BTBD16: variants seen among roughly 807,000 people sequenced by gnomAD.
BTBD16 encodes BTB domain containing 16.
BTBD16 carries 66 observed loss-of-function variants against 67.4 expected under a neutral mutation model. That is an observed-to-expected ratio of 0.98 (90% CI 0.80 to 1.20). The LOEUF is 1.20. BTBD16 is among the 50% of genes most tolerant of loss of function. The pLI is 0.00. For missense variants in BTBD16, 634 were observed against 616.0 expected (o/e 1.03, Z -0.31); for synonymous variants, 242 against 236.4 (o/e 1.02, Z -0.22).
chr10:122,289,199 G>T (rs2096369309), intron 5 of BTBD16, among the ~76,000 whole-genome samples: 1 of 152,166 alleles, frequency 6.6e-6, no homozygotes. Flanking sequence ...TGCTCCAGGT[G>T]CTCGGGTTAC....
rs967551645 is a variant in BTBD16, at chr10:122,328,020, T to C, written c.912-1460T>C. Among the ~76,000 whole-genome samples the C allele has an allele frequency of 4.6e-5, 7 of 152,202 alleles. No homozygotes were observed. The East Asian group carries it at 1.3e-3, about 29-fold the overall frequency. On this transcript the variant is annotated intron_variant, in intron 10 of 15. Coordinates refer to ENST00000260723, the MANE Select transcript of BTBD16 (RefSeq NM_144587.5). Reference sequence around the variant, plus strand: ...AGGTGCTGGCTTGTCCCCAGAGCACTGGGCAAGGCTAGGGAGGACGGCGTC... The same window carrying C: ...AGGTGCTGGCTTGTCCCCAGAGCACCGGGCAAGGCTAGGGAGGACGGCGTC...
intron 14 of BTBD16, among the ~76,000 whole-genome samples, chr10:122,336,021 T>G (rs2096462735): frequency 6.6e-6 from 1 of 152,162 alleles, no homozygotes; most frequent in Non-Finnish European, 1.5e-5. Context: ...AATGCATGAA[T>G]GAAGAAACCA....
At chr10:122,298,143 A>C (rs185396456) in intron 8 of BTBD16, among the ~76,000 whole-genome samples, 111 of 152,306 alleles carry the variant, frequency 7.3e-4, no homozygotes, top group Admixed American at 1.2e-3. Context: ...TGGAGTTGTG[A>C]GGTCTAGATT....
chr10:122,309,055 CA>C, intron 10 of BTBD16, among the ~76,000 whole-genome samples: 1 of 152,310 alleles, frequency 6.6e-6, no homozygotes, highest in East Asian at 1.9e-4. Context: ...GCAGCTTCAA[CA>C]AAGGGCTTAT....
chr10:122,284,026 T>C lies in BTBD16; in HGVS notation c.241+102T>C, dbSNP rs2096358422. ...ACCAGTCCATAAACCAGGGCGCTAG[T>C]GTATAAGTTGCAATTCTCATCCACT... On this transcript the variant is annotated intron_variant, in intron 4 of 15. Transcript: ENST00000260723. 6 of 823,944 alleles carry C rather than the reference T, an allele frequency of 7.3e-6. No homozygotes were observed. In the East Asian group the frequency reaches 1.0e-4, roughly 14 times the overall value. 51.0% of individuals were successfully genotyped at this position (823,944 alleles called of 1,614,324 possible).
chr10:122,321,013 C>G (rs148908163), intron 10 of BTBD16, among the ~76,000 whole-genome samples: 25 of 152,254 alleles, frequency 1.6e-4, no homozygotes, highest in Non-Finnish European at 3.1e-4. Flanking sequence ...CCTCCCTCCC[C>G]ACTCTAGTAG....
chr10:122,286,214 A>G lies in BTBD16; in HGVS notation c.351A>G (p.Thr117=). ...TGAAAGCCCTGGCGCAGGGCACCAC[A>G]CACCCCCTGAGGGAGCTGGAGGAGC... ...LYLKALAQGT[T]HPLRELEELL... The change falls in exon 5 of 16, where the codon ACA becomes ACG. Residue 117 remains threonine, a synonymous_variant. Transcript: ENST00000260723. The G allele has an allele frequency of 6.2e-7, 1 of 1,613,248 alleles. No homozygotes were observed. The highest frequency in any genetic ancestry group is 8.5e-7 in the Non-Finnish European group (1 of 1,179,384).
chr10:122,320,861 C>A (rs2096434255), intron 10 of BTBD16, among the ~76,000 whole-genome samples: 1 of 151,824 alleles, frequency 6.6e-6, no homozygotes, highest in Non-Finnish European at 1.5e-5. Flanking sequence ...TTAAAAATTT[C>A]AACTTTTATT....
At chr10:122,297,100 C>T (rs1052494243) in intron 7 of BTBD16, among the ~76,000 whole-genome samples, 43 of 152,226 alleles carry the variant, frequency 2.8e-4, no homozygotes, top group Non-Finnish European at 7.3e-5. Context: ...ATCTGCCTTC[C>T]CATCACACCT....
chr10:122,288,411 G>C (rs1259635967), intron 5 of BTBD16, among the ~76,000 whole-genome samples: 1 of 152,234 alleles, frequency 6.6e-6, no homozygotes, highest in Non-Finnish European at 1.5e-5. Context: ...AGGGGAGATG[G>C]AGGGGAAAGG....
intron 5 of BTBD16, chr10:122,287,659 T>A (rs2142061383): frequency 6.0e-6 from 1 of 167,876 alleles, no homozygotes; most frequent in African/African-American, 2.4e-5. Context: ...GTGGTTTGCA[T>A]ACCTGTCTCA....
At chr10:122,313,760 C>T (rs1298629898) in intron 10 of BTBD16, among the ~76,000 whole-genome samples, 3 of 152,132 alleles carry the variant, frequency 2.0e-5, no homozygotes, top group Non-Finnish European at 4.4e-5. Flanking sequence ...GATCCAGCAC[C>T]GTTTACTGGA....
At chr10:122,318,082 TA>T (rs1180828932) in intron 10 of BTBD16, among the ~76,000 whole-genome samples, 3 of 152,208 alleles carry the variant, frequency 2.0e-5, no homozygotes, top group African/African-American at 7.2e-5. Context: ...TGTGTTGTGC[TA>T]TAGAATCACT....
At chr10:122,298,665 G>T (rs2142078996) in intron 8 of BTBD16, among the ~76,000 whole-genome samples, 1 of 152,260 alleles carries the variant, frequency 6.6e-6, no homozygotes, top group Non-Finnish European at 1.5e-5. Context: ...TGGTCAGGTT[G>T]CCTGGGTTTG....
chr10:122,332,991 G>C (rs1377323647), intron 13 of BTBD16: 4 of 984,630 alleles, frequency 4.1e-6, no homozygotes, highest in Non-Finnish European at 4.8e-6. Context: ...GAGCTTGATT[G>C]CAAGGCATCT....
intron 9 of BTBD16, among the ~76,000 whole-genome samples, chr10:122,302,514 G>T (rs980697531): frequency 2.0e-5 from 3 of 152,152 alleles, no homozygotes; most frequent in Non-Finnish European, 2.9e-5. Context: ...AATTCTCCCT[G>T]ACTTCCCGCC....
intron 10 of BTBD16, among the ~76,000 whole-genome samples, chr10:122,324,249 C>T (rs1035001513): frequency 6.6e-6 from 1 of 152,232 alleles, no homozygotes; most frequent in Non-Finnish European, 1.5e-5. Context: ...GTGCTGGCTG[C>T]ATGGGTGTGC....
intron 10 of BTBD16, among the ~76,000 whole-genome samples, chr10:122,313,741 T>A (rs1219384364): frequency 6.6e-6 from 1 of 152,224 alleles, no homozygotes; most frequent in African/African-American, 2.4e-5. Flanking sequence ...TTCATAAGGA[T>A]GCACAATTGA....
intron 7 of BTBD16, among the ~76,000 whole-genome samples, chr10:122,291,881 G>C (rs1466471517): frequency 6.6e-6 from 1 of 152,148 alleles, no homozygotes; most frequent in Non-Finnish European, 1.5e-5. Context: ...GTGTGTTGGG[G>C]GTGTGGGGAG....
Sources: allele counts gnomAD v4.1 joint callset (sites outside exome capture counted in the v4.1 genomes callset), GRCh38; gene constraint gnomAD v4.1.1; transcripts MANE v1.5; gene names NCBI Gene and HGNC (gene_info 2026-07-23, HGNC 2026-07-21).